The following APBA1 variants were observed in gnomAD, a reference collection of about 807,000 sequenced individuals.
APBA1 encodes amyloid beta precursor protein binding family A member 1, also known as amyloid-beta A4 precursor protein-binding family A member 1.
A neutral mutation model predicts 86.6 loss-of-function variants in APBA1; 55 were observed. The observed-to-expected ratio is 0.64, with a 90% CI of 0.51 to 0.80. The LOEUF (loss-of-function observed/expected upper bound fraction) is 0.80, where lower values mean the gene tolerates loss of function less well. APBA1 is among the 30% of genes least tolerant of loss of function. APBA1 has a pLI of 0.00. For missense variants in APBA1, 1,090 were observed against 1,183.0 expected (o/e 0.92, Z 1.15); for synonymous variants, 511 against 493.9 (o/e 1.03, Z -0.46).
In APBA1 at chr9:69,429,284, G is replaced by C. The variant is rs1047103077; in HGVS notation, c.*2043C>G. On this transcript the variant is annotated 3_prime_UTR_variant, in exon 13 of 13. Transcript: ENST00000265381. ...TCTTTAGTGTCTCACTGTATCACCA[G>C]ATACTCTACAGCAAATGGAGAACCC... is the stretch of plus-strand genomic sequence containing the variant. 6.6e-6 allele frequency: 1 copy of C among 152,266 alleles called. No individual in the cohort carries two copies. The highest frequency in any genetic ancestry group is 2.4e-5 in the African/African-American group (1 of 41,462). The allele number at this position is 152,266 out of a possible 1,614,324, so 9.4% of individuals were successfully genotyped here. A position where few individuals can be genotyped will look rare whatever the true frequency, so the allele number is the denominator to read the frequency against.
At chr9:69,514,538 G>A (rs527891878) in intron 2 of APBA1, among the ~76,000 whole-genome samples, 4 of 151,056 alleles carry the variant, frequency 2.6e-5, no homozygotes, top group South Asian at 4.2e-4. Context: ...GCAGTGAGCC[G>A]AGATCACACC....
intron 1 of APBA1, among the ~76,000 whole-genome samples, chr9:69,545,110 G>C (rs536232885): frequency 6.6e-6 from 1 of 152,326 alleles, no homozygotes; most frequent in African/African-American, 2.4e-5. Context: ...TTTAGAAATG[G>C]GACTAAGAGA....
chr9:69,446,453 C>T (rs969430243), intron 10 of APBA1, among the ~76,000 whole-genome samples: 1 of 152,234 alleles, frequency 6.6e-6, no homozygotes, highest in Non-Finnish European at 1.5e-5. Flanking sequence ...TTTATCACCA[C>T]TCGGCCTTTT....
At chr9:69,518,109 C>A (rs1165942082) in intron 1 of APBA1, among the ~76,000 whole-genome samples, 1 of 151,748 alleles carries the variant, frequency 6.6e-6, no homozygotes, top group Non-Finnish European at 1.5e-5. Context: ...CAACCAACCA[C>A]GGAAGACAAT....
chr9:69,561,918 C>A (rs113247221), intron 1 of APBA1, among the ~76,000 whole-genome samples: 1 of 152,234 alleles, frequency 6.6e-6, no homozygotes, highest in East Asian at 1.9e-4. Flanking sequence ...TGAGCCACTG[C>A]GCCCTGCTGT....
intron 10 of APBA1, among the ~76,000 whole-genome samples, chr9:69,449,329 G>C (rs182163562): frequency 7.8e-4 from 119 of 152,280 alleles, no homozygotes; most frequent in Admixed American, 1.2e-3. Flanking sequence ...TGCTGTGATG[G>C]ACATGCTGCT....
At chr9:69,608,439 C>T (rs567847429) in intron 1 of APBA1, among the ~76,000 whole-genome samples, 7 of 152,204 alleles carry the variant, frequency 4.6e-5, no homozygotes, top group South Asian at 2.1e-4. Context: ...AGACCTATAA[C>T]GAATATTCAC....
intron 1 of APBA1, among the ~76,000 whole-genome samples, chr9:69,622,074 G>A (rs1178181348): frequency 2.0e-5 from 3 of 152,184 alleles, no homozygotes; most frequent in African/African-American, 7.2e-5. Flanking sequence ...AAAAAACACA[G>A]ACTCCTTAAG....
At chr9:69,649,867 T>C (rs898999173) in intron 1 of APBA1, among the ~76,000 whole-genome samples, 3 of 152,162 alleles carry the variant, frequency 2.0e-5, no homozygotes, top group African/African-American at 4.8e-5. Flanking sequence ...GTGGGGAAAG[T>C]ATTCTGTTAA....
At chr9:69,592,719 T>C (rs1364485783) in intron 1 of APBA1, among the ~76,000 whole-genome samples, 2 of 152,236 alleles carry the variant, frequency 1.3e-5, no homozygotes, top group Non-Finnish European at 2.9e-5. Flanking sequence ...AAGACATGCT[T>C]GCTTCCCCTT....
At chr9:69,597,855 C>T (rs1225364635) in intron 1 of APBA1, among the ~76,000 whole-genome samples, 1 of 152,142 alleles carries the variant, frequency 6.6e-6, no homozygotes, top group Non-Finnish European at 1.5e-5. Flanking sequence ...ACTAGTTCAA[C>T]CCTTGTGGAA....
intron 2 of APBA1, among the ~76,000 whole-genome samples, chr9:69,510,607 T>C (rs1468241583): frequency 1.4e-5 from 2 of 140,594 alleles, no homozygotes; most frequent in African/African-American, 5.7e-5. Context: ...AGAGCCCGCA[T>C]CGCCAAGGCA....
chr9:69,601,034 T>A (rs2133973566), intron 1 of APBA1, among the ~76,000 whole-genome samples: 1 of 152,038 alleles, frequency 6.6e-6, no homozygotes, highest in East Asian at 1.9e-4. Context: ...AGTATAATTT[T>A]AGAATACAAA....
At chr9:69,498,776 T>G (rs1332042084) in intron 2 of APBA1, among the ~76,000 whole-genome samples, 2 of 152,190 alleles carry the variant, frequency 1.3e-5, no homozygotes, top group Non-Finnish European at 2.9e-5. Context: ...TGTAGTTCAC[T>G]GGCAAAATAA....
At chr9:69,511,596 T>A (rs1192876015) in intron 2 of APBA1, among the ~76,000 whole-genome samples, 1 of 151,696 alleles carries the variant, frequency 6.6e-6, no homozygotes, top group Non-Finnish European at 1.5e-5. Context: ...GGACTATAAA[T>A]CATGCTGCTA....
chr9:69,578,950 G>A (rs1369362924), intron 1 of APBA1, among the ~76,000 whole-genome samples: 1 of 152,172 alleles, frequency 6.6e-6, no homozygotes, highest in African/African-American at 2.4e-5. Context: ...ACCTTGGGTT[G>A]TCAAAAACTG....
chr9:69,666,916 G>GTTTATTCA (rs1823851738), intron 1 of APBA1, among the ~76,000 whole-genome samples: 1 of 152,128 alleles, frequency 6.6e-6, no homozygotes, highest in East Asian at 1.9e-4. Context: ...CTTAAAAAAA[G>GTTTATTCA]TTTATTCATG....
chr9:69,599,301 A>C (rs1201427245), intron 1 of APBA1, among the ~76,000 whole-genome samples: 1 of 152,238 alleles, frequency 6.6e-6, no homozygotes, highest in East Asian at 1.9e-4. Flanking sequence ...ATATTTGAAA[A>C]AGTGTTTTAG....
At chr9:69,503,057 TA>T in intron 2 of APBA1, among the ~76,000 whole-genome samples, 1 of 152,220 alleles carries the variant, frequency 6.6e-6, no homozygotes, top group African/African-American at 2.4e-5. Flanking sequence ...CGCAGGAAAT[TA>T]AAAACTTAGT....
Sources: gnomAD v4.1 joint callset for allele counts (sites outside exome capture counted in the v4.1 genomes callset) on GRCh38, gnomAD v4.1.1 for gene constraint, MANE v1.5 for transcripts, NCBI Gene and HGNC (gene_info 2026-07-23, HGNC 2026-07-21) for gene names.